Variants in PADI2 observed in about 807,000 individuals in gnomAD.
The protein encoded by PADI2 is peptidyl arginine deiminase 2.
PADI2 carries 70 observed loss-of-function variants against 81.1 expected under a neutral mutation model. The observed-to-expected ratio is 0.86, with a 90% CI of 0.71 to 1.05. PADI2 has a LOEUF of 1.05. Ranked by LOEUF, PADI2 falls within the 50% of genes least tolerant of loss-of-function variation. The pLI is 0.00. For synonymous variants in PADI2, 338 were observed against 358.0 expected, an observed-to-expected ratio of 0.94 and a Z score of 0.63; for missense variants, 853 against 889.9, an observed-to-expected ratio of 0.96 and a Z score of 0.53.
intron 1 of PADI2, among the ~76,000 whole-genome samples, chr1:17,105,724 GC>G (rs1460289234): frequency 1.3e-5 from 2 of 152,154 alleles, no homozygotes; most frequent in African/African-American, 4.8e-5. Context: ...TTCTGGAGGG[GC>G]AAGTCTGCAA....
At chr1:17,075,006 C>T (rs113957605) in intron 12 of PADI2, 57 bp from the exon 13 acceptor site, 84 of 1,142,248 alleles carry the variant, frequency 7.4e-5, no homozygotes, top group African/African-American at 2.1e-4. Flanking sequence ...CCAAGGAGCA[C>T]GGGGAGGCCC....
At chr1:17,079,158 T>C in intron 11 of PADI2, 106 bp downstream of exon 11, 1 of 928,342 alleles carries the variant, frequency 1.1e-6, no homozygotes, top group Non-Finnish European at 1.6e-6. Context: ...GAGGGAATAA[T>C]TCCCCCAGCC....
intron 6 of PADI2, among the ~76,000 whole-genome samples, chr1:17,089,734 G>A (rs1042001600): frequency 6.6e-6 from 1 of 152,174 alleles, no homozygotes; most frequent in Non-Finnish European, 1.5e-5. Context: ...CCCTGGCTCG[G>A]TGCAAACCCC....
Position 17,104,932 on chromosome 1 carries a change from G to A in PADI2, c.222C>T (p.Ser74=), listed in dbSNP as rs763203290. The A allele has an allele frequency of 6.2e-7, 1 of 1,605,188 alleles. No homozygotes were observed. Among genetic ancestry groups the A allele is most frequent in the Non-Finnish European group, 8.5e-7 (1 of 1,178,112 alleles). ...NGKQRWLLSP[S]TTLRVTMSQA... ...GGCTCATGGTGACCCGCAGGGTGGT[G>A]CTGGGCGAGAGAAGCCAGCGCTGCT... The change falls in exon 2 of 16, where the codon AGC becomes AGT. Residue 74 remains serine (S), a synonymous_variant. Transcript: ENST00000375486.
At position 17,070,190 on chromosome 1, in the gene PADI2, G is replaced by A. The variant is rs201502539; in HGVS notation, c.1662C>T (p.Ile554=). 640 of 1,614,106 alleles carry A rather than the reference G, an allele frequency of 4.0e-4. 1 individual carries two copies. Among genetic ancestry groups the A allele is most frequent in the Non-Finnish European group, 5.3e-4 (627 of 1,179,976 alleles). The change falls in exon 15 of 16, where the codon ATC becomes ATT. Residue 554 remains isoleucine (I), a synonymous_variant. Coordinates refer to ENST00000375486, the MANE Select transcript of PADI2 (RefSeq NM_007365.3). ...FQRCLDWNRD[I]LKKELGLTEQ... is the part of the protein sequence containing the mutation. ...CTGTCAGTCCCAGCTCCTTCTTGAG[G>A]ATGTCACGGTTCCAGTCTAGGCAGC...
chr1:17,078,723 G>A (rs2078322673), intron 11 of PADI2, among the ~76,000 whole-genome samples: 1 of 150,008 alleles, frequency 6.7e-6, no homozygotes, highest in African/African-American at 2.5e-5. Flanking sequence ...TTGAGATGAG[G>A]TCTCACTCTG....
Position 17,084,606 on chromosome 1 carries a change from C to T in PADI2, c.931G>A (p.Val311Met). 6.3e-7 allele frequency: 1 copy of T among 1,580,242 alleles called. No homozygotes were observed. The highest frequency in any genetic ancestry group is 1.3e-5 in the African/African-American group (1 of 74,088). Residue 311 changes from valine (V) to methionine (M), a missense_variant, in exon 8 of 16, where the codon GTG becomes ATG. Coordinates refer to ENST00000375486, the MANE Select transcript of PADI2 (RefSeq NM_007365.3). Reference protein sequence around the residue: ...PNILPPVSVFVCCMKDNYLFL... With the variant: ...PNILPPVSVFMCCMKDNYLFL... ...GCTGGGGTCACCCCTTACCAGCACA[C>T]AAACACCGACACGGGAGGCAGGATG...
chr1:17,116,938 A>C (rs1931778371), intron 1 of PADI2, among the ~76,000 whole-genome samples: 1 of 152,100 alleles, frequency 6.6e-6, no homozygotes, highest in Non-Finnish European at 1.5e-5. Context: ...CTTCCACTGG[A>C]CCAGTGAGTC....
chr1:17,081,296 C>T (rs547536555), intron 10 of PADI2, among the ~76,000 whole-genome samples: 9 of 152,328 alleles, frequency 5.9e-5, no homozygotes, highest in Non-Finnish European at 7.3e-5. Flanking sequence ...CCTTATACAA[C>T]GCCTTCAATC....
chr1:17,112,301 C>G (rs939924050), intron 1 of PADI2, among the ~76,000 whole-genome samples: 2 of 152,084 alleles, frequency 1.3e-5, no homozygotes, highest in Non-Finnish European at 2.9e-5. Flanking sequence ...GGTCTTGGCT[C>G]GGTCAGTGGG....
At chr1:17,103,762 A>G (rs1400578133) in intron 2 of PADI2, among the ~76,000 whole-genome samples, 1 of 150,150 alleles carries the variant, frequency 6.7e-6, no homozygotes, top group African/African-American at 2.5e-5. Flanking sequence ...TAAATTTGGT[A>G]TGGAAAAAGA....
chr1:17,069,412 G>A (rs2078248970), intron 15 of PADI2, 135 bp from the exon 16 acceptor site: 2 of 684,214 alleles, frequency 2.9e-6, no homozygotes, highest in East Asian at 2.7e-5. Context: ...ACGGAGTGGG[G>A]CTAAGTCACT....
At chr1:17,083,636 T>G in intron 9 of PADI2, 90 bp downstream of exon 9, 1 of 780,292 alleles carries the variant, frequency 1.3e-6, no homozygotes. Context: ...TCTGCAGAGC[T>G]GCTGGGTGCC....
chr1:17,082,760 T>C (rs1216887110), intron 9 of PADI2, 108 bp from the exon 10 acceptor site: 2 of 666,048 alleles, frequency 3.0e-6, no homozygotes, highest in Admixed American at 5.5e-5. Flanking sequence ...AACGTCTGTC[T>C]TGTTCCCCAT....
At chr1:17,087,919 C>G (rs545564760) in intron 6 of PADI2, among the ~76,000 whole-genome samples, 17 of 152,218 alleles carry the variant, frequency 1.1e-4, no homozygotes, top group Non-Finnish European at 2.4e-4. Flanking sequence ...CTGAACGAAC[C>G]AATGACTCCC....
chr1:17,081,614 C>T (rs79284119), intron 10 of PADI2, among the ~76,000 whole-genome samples: 99 of 152,286 alleles, frequency 6.5e-4, no homozygotes, highest in Middle Eastern at 6.8e-3. Flanking sequence ...GGGAAAAGTC[C>T]CCTGATCTAT....
At chr1:17,109,257 G>C (rs980408358) in intron 1 of PADI2, among the ~76,000 whole-genome samples, 1 of 151,546 alleles carries the variant, frequency 6.6e-6, no homozygotes, top group Non-Finnish European at 1.5e-5. Context: ...GCGTAGTGGC[G>C]TGTGCCTGTA....
intron 1 of PADI2, among the ~76,000 whole-genome samples, chr1:17,117,728 T>A (rs2100235585): frequency 6.6e-6 from 1 of 152,298 alleles, no homozygotes; most frequent in South Asian, 2.1e-4. Context: ...CATGCCAGCT[T>A]TTCAGGCGGC....
chr1:17,106,535 C>T (rs778002980), intron 1 of PADI2, among the ~76,000 whole-genome samples: 3 of 151,812 alleles, frequency 2.0e-5, no homozygotes, highest in Non-Finnish European at 4.4e-5. Context: ...CTCTGCCTCC[C>T]GGGTTCAAGC....
Sources: allele counts gnomAD v4.1 joint callset (sites outside exome capture counted in the v4.1 genomes callset), GRCh38; gene constraint gnomAD v4.1.1; transcripts MANE v1.5; gene names NCBI Gene and HGNC (gene_info 2026-07-23, HGNC 2026-07-21).